The following APLF variants were observed in gnomAD, a reference collection of about 807,000 sequenced individuals.
APLF encodes aprataxin and PNK-like factor.
Under a neutral mutation model 55.6 loss-of-function variants are expected in APLF, and 61 were observed. The ratio of observed to expected loss-of-function variants is 1.10; its 90% CI spans 0.89 to 1.36. The LOEUF (loss-of-function observed/expected upper bound fraction) is 1.36, where lower values mean the gene tolerates loss of function less well. APLF is among the 40% of genes most tolerant of loss of function. The probability of loss-of-function intolerance (pLI) is 0.00; values close to 1 mark genes in which losing one functional copy is unlikely to be tolerated. For missense variants in APLF, 611 were observed against 602.5 expected, an observed-to-expected ratio of 1.01 and a Z score of -0.15; for synonymous variants, 207 against 214.8, an observed-to-expected ratio of 0.96 and a Z score of 0.32.
chr2:68,513,700 A>T lies in APLF; in HGVS notation c.622+20A>T, dbSNP rs761617737. On this transcript the variant is annotated intron_variant, in intron 5 of 9. Coordinates refer to ENST00000303795, the MANE Select transcript of APLF (RefSeq NM_173545.3). Reference sequence around the variant, plus strand: ...GTGGAGGTAGGTTTTTGTTTCTACTAATGCTGACTTTAAAGGAAACATTAA... The same window carrying T: ...GTGGAGGTAGGTTTTTGTTTCTACTTATGCTGACTTTAAAGGAAACATTAA... 1.2e-6 allele frequency: 2 copies of T among 1,607,130 alleles called. No homozygotes were observed. Among genetic ancestry groups the T allele is most frequent in the Non-Finnish European group, 1.7e-6 (2 of 1,176,356 alleles).
rs1470507387 is a variant in APLF at position 68,518,796 on chromosome 2, A to G, written c.622+5116A>G. Among the ~76,000 whole-genome samples the G allele has an allele frequency of 1.3e-3, 27 of 20,456 alleles. No homozygotes were observed. In the South Asian group the frequency reaches 0.026, roughly 19 times the overall value. The allele number at this position is 20,456 out of a possible 152,430, so 13.4% of individuals were successfully genotyped here. On this transcript the variant is annotated intron_variant, in intron 5 of 9. Transcript: ENST00000303795. ...TATATCATTATATAATAAAATATTA[A>G]TAATCTATCATATAATAAAATATTA... is the stretch of plus-strand genomic sequence containing the variant.
intron 1 of APLF, among the ~76,000 whole-genome samples, chr2:68,479,318 A>G (rs934698846): frequency 1.3e-5 from 2 of 152,210 alleles, no homozygotes; most frequent in African/African-American, 4.8e-5. Flanking sequence ...TGAAGCAGTA[A>G]ATTCCTGCTG....
At chr2:68,517,980 A>C (rs1006501008) in intron 5 of APLF, among the ~76,000 whole-genome samples, 1 of 136,562 alleles carries the variant, frequency 7.3e-6, no homozygotes, top group Admixed American at 7.4e-5. Flanking sequence ...TAACAGTAAT[A>C]TATCACTAAT....
At chr2:68,571,285 G>A (rs904006561) in intron 9 of APLF, among the ~76,000 whole-genome samples, 50 of 152,088 alleles carry the variant, frequency 3.3e-4, no homozygotes, top group Non-Finnish European at 1.2e-4. Flanking sequence ...CTGTGCAGAA[G>A]CTCTTTAGTT....
At chr2:68,501,684 G>A (rs1676726683) in intron 2 of APLF, among the ~76,000 whole-genome samples, 2 of 152,138 alleles carry the variant, frequency 1.3e-5, no homozygotes, top group Non-Finnish European at 1.5e-5. Flanking sequence ...TATTGTAATA[G>A]TTCTAACTTT....
At chr2:68,492,163 G>A (rs1355142413) in intron 2 of APLF, among the ~76,000 whole-genome samples, 1 of 152,048 alleles carries the variant, frequency 6.6e-6, no homozygotes, top group Non-Finnish European at 1.5e-5. Flanking sequence ...GATATATTTT[G>A]TACTTTTGTG....
chr2:68,522,542 A>G (rs935547884), intron 5 of APLF, among the ~76,000 whole-genome samples: 1 of 151,876 alleles, frequency 6.6e-6, no homozygotes, highest in Non-Finnish European at 1.5e-5. Context: ...AATTATTTCC[A>G]TATACGGTCA....
intron 8 of APLF, among the ~76,000 whole-genome samples, chr2:68,550,517 C>T (rs1278666605): frequency 6.6e-6 from 1 of 152,120 alleles, no homozygotes; most frequent in Non-Finnish European, 1.5e-5. Flanking sequence ...CATGCGTGAG[C>T]CACCACACCA....
Position 68,578,408 on chromosome 2 carries a change from T to A in APLF, c.*386T>A. On this transcript the variant is annotated 3_prime_UTR_variant, in exon 10 of 10. Coordinates refer to ENST00000303795, the MANE Select transcript of APLF (RefSeq NM_173545.3). ...TGCAAGTATAACCAGGCAAAGTACA[T>A]GAAAACATGCCTCTTTTCATTGTTA... The A allele has an allele frequency of 1.0e-6, 1 of 993,186 alleles. No individual in the cohort carries two copies. Among genetic ancestry groups the A allele is most frequent in the Non-Finnish European group, 1.2e-6 (1 of 834,818 alleles). 61.5% of individuals were successfully genotyped at this position (993,186 alleles called of 1,614,324 possible).
intron 3 of APLF, among the ~76,000 whole-genome samples, chr2:68,510,728 T>G (rs1227526891): frequency 6.6e-6 from 1 of 151,870 alleles, no homozygotes; most frequent in East Asian, 1.9e-4. Context: ...TACATAGATG[T>G]TCACAGCAGC....
chr2:68,494,291 AAAAAAAAAAAAGAAAAG>A (rs1181102989), intron 2 of APLF, among the ~76,000 whole-genome samples: 11 of 150,194 alleles, frequency 7.3e-5, no homozygotes, highest in Admixed American at 7.3e-4. Context: ...AAAAAAAAAA[AAAAAAAAAAAAGAAAAG>A]AAAAAAGATT....
intron 5 of APLF, chr2:68,515,609 C>A: frequency 1.0e-6 from 1 of 984,866 alleles, no homozygotes; most frequent in Non-Finnish European, 1.2e-6. Context: ...ATATGAAGCA[C>A]GTTTTTGGGC....
chr2:68,555,561 G>C (rs1670982027), intron 8 of APLF, among the ~76,000 whole-genome samples: 2 of 152,088 alleles, frequency 1.3e-5, no homozygotes, highest in South Asian at 2.1e-4. Flanking sequence ...ATGAAAAAAT[G>C]CTCAATATCA....
In APLF at chr2:68,529,749, C is replaced by A; in HGVS notation, c.804+3507C>A. Reference sequence around the variant, plus strand: ...GGCAGGTGTGTGGCCCTGGATGGGCCCCCCGTGGGGCTGTTGGGGGTGTGG... The same window carrying A: ...GGCAGGTGTGTGGCCCTGGATGGGCACCCCGTGGGGCTGTTGGGGGTGTGG... On this transcript the variant is annotated intron_variant, in intron 6 of 9. Coordinates refer to ENST00000303795, the MANE Select transcript of APLF (RefSeq NM_173545.3). The surrounding 1 kb of genome is among the most constrained non-coding windows in gnomAD (Gnocchi z 4.4). 6.5e-6 allele frequency: 1 copy of A among 153,440 alleles called. No homozygotes were observed. The highest frequency in any genetic ancestry group is 2.4e-5 in the African/African-American group (1 of 41,612). The allele number at this position is 153,440 out of a possible 1,614,324, so 9.5% of individuals were successfully genotyped here.
At chr2:68,525,168 C>G (rs1670000337) in intron 5 of APLF, among the ~76,000 whole-genome samples, 1 of 151,982 alleles carries the variant, frequency 6.6e-6, no homozygotes, top group African/African-American at 2.4e-5. Context: ...GAACAGTGCA[C>G]ACCTGTAATC....
chr2:68,567,323 T>C lies in APLF; in HGVS notation c.1287-18T>C. The C allele has an allele frequency of 6.2e-7, 1 of 1,601,434 alleles. No homozygotes were observed. Among genetic ancestry groups the C allele is most frequent in the Non-Finnish European group, 8.5e-7 (1 of 1,172,310 alleles). Reference sequence around the variant, plus strand: ...AGTAATTGGAAGACTAGCTCTTATTTTTGCATTCTTCTTTCAGGAAGAATC... The same window carrying C: ...AGTAATTGGAAGACTAGCTCTTATTCTTGCATTCTTCTTTCAGGAAGAATC... On this transcript the variant is annotated intron_variant, in intron 8 of 9. Transcript: ENST00000303795.
intron 6 of APLF, among the ~76,000 whole-genome samples, chr2:68,531,168 T>G (rs1670243957): frequency 1.3e-5 from 2 of 152,190 alleles, no homozygotes. Context: ...TCTGTAACAC[T>G]GGGTACTTAA....
At chr2:68,570,599 C>T (rs1261658630) in intron 9 of APLF, among the ~76,000 whole-genome samples, 1 of 152,122 alleles carries the variant, frequency 6.6e-6, no homozygotes, top group African/African-American at 2.4e-5. Context: ...CAGCTTCATC[C>T]ATGTCCCTGC....
intron 9 of APLF, among the ~76,000 whole-genome samples, chr2:68,570,801 G>A (rs1249475820): frequency 6.6e-6 from 1 of 152,108 alleles, no homozygotes; most frequent in Non-Finnish European, 1.5e-5. Context: ...ATTCCTTTGG[G>A]TATATACCCA....
Sources: allele counts gnomAD v4.1 joint callset (sites outside exome capture counted in the v4.1 genomes callset), GRCh38; gene constraint gnomAD v4.1.1; non-coding constraint Gnocchi (gnomAD v3.1); transcripts MANE v1.5; gene names NCBI Gene and HGNC (gene_info 2026-07-23, HGNC 2026-07-21).